TRAM2: variants seen among roughly 807,000 people sequenced by gnomAD.
TRAM2 encodes translocation associated membrane protein 2, also known as translocating chain-associated membrane protein 2.
A neutral mutation model predicts 51.0 loss-of-function variants in TRAM2; 12 were observed. That is an observed-to-expected ratio of 0.24 (90% CI 0.15 to 0.38). The LOEUF is 0.38. TRAM2 is among the 10% of genes least tolerant of loss of function. The pLI is 1.00. For missense variants in TRAM2, 361 were observed against 462.0 expected, an observed-to-expected ratio of 0.78 and a Z score of 2.00; for synonymous variants, 175 against 179.4, an observed-to-expected ratio of 0.98 and a Z score of 0.20.
intron 1 of TRAM2, among the ~76,000 whole-genome samples, chr6:52,539,139 C>T (rs1767031279): frequency 6.6e-6 from 1 of 152,190 alleles, no homozygotes; most frequent in South Asian, 2.1e-4. Context: ...GGATGCTAGA[C>T]AGCACTTCTG....
At chr6:52,521,741 T>C (rs375540980) in intron 2 of TRAM2, among the ~76,000 whole-genome samples, 11 of 104,760 alleles carry the variant, frequency 1.1e-4, no homozygotes, top group African/African-American at 3.4e-4. Context: ...CAAAACAAAA[T>C]AAAATAAAAT....
In TRAM2 at chr6:52,502,955, A is replaced by C; in HGVS notation, c.*242T>G. 1.7e-6 allele frequency: 1 copy of C among 580,766 alleles called. No individual in the cohort carries two copies. The highest frequency in any genetic ancestry group is 3.1e-6 in the Non-Finnish European group (1 of 326,144). 36.0% of individuals were successfully genotyped at this position (580,766 alleles called of 1,614,324 possible). A position where few individuals can be genotyped will look rare whatever the true frequency, so the allele number is the denominator to read the frequency against. On this transcript the variant is annotated 3_prime_UTR_variant, in exon 11 of 11. Coordinates refer to ENST00000182527, the MANE Select transcript of TRAM2 (RefSeq NM_012288.4). ...GCCAGCACAGGACAGGAGTGAGGACAGGAGGTGGCCTGAGGGGGAGAAAGA... is the reference window on the plus strand; with the variant it reads ...GCCAGCACAGGACAGGAGTGAGGACCGGAGGTGGCCTGAGGGGGAGAAAGA...
intron 1 of TRAM2, among the ~76,000 whole-genome samples, chr6:52,542,086 C>T (rs983025357): frequency 6.6e-6 from 1 of 151,996 alleles, no homozygotes; most frequent in Non-Finnish European, 1.5e-5. Flanking sequence ...AAATTAGGTA[C>T]CTAAAACTTC....
chr6:52,545,924 C>T (rs1364992788), intron 1 of TRAM2, among the ~76,000 whole-genome samples: 5 of 152,030 alleles, frequency 3.3e-5, no homozygotes, highest in African/African-American at 1.2e-4. Flanking sequence ...CACCACCATC[C>T]CAGGTAGGAA....
At chr6:52,507,744 T>G (rs1473940645) in intron 6 of TRAM2, 121 bp from the exon 7 acceptor site, 2 of 855,490 alleles carry the variant, frequency 2.3e-6, no homozygotes, top group Non-Finnish European at 3.7e-6. Context: ...TAACACACAG[T>G]CCCATGTCCC....
intron 10 of TRAM2, 82 bp downstream of exon 10, chr6:52,504,506 CAAG>C: frequency 1.3e-6 from 2 of 1,583,730 alleles, no homozygotes; most frequent in Non-Finnish European, 1.7e-6. Flanking sequence ...GGGCAGCGCC[CAAG>C]AAGCCAGGTG....
chr6:52,525,694 G>T (rs936719983), intron 2 of TRAM2, among the ~76,000 whole-genome samples: 1 of 152,196 alleles, frequency 6.6e-6, no homozygotes, highest in Non-Finnish European at 1.5e-5. Flanking sequence ...TGTAATCCCA[G>T]CTACTCAGGA....
intron 1 of TRAM2, among the ~76,000 whole-genome samples, chr6:52,570,792 A>ACCCCC (rs1487796614): frequency 3.0e-5 from 1 of 32,902 alleles, no homozygotes; most frequent in African/African-American, 1.3e-4. Flanking sequence ...CTCCCTGCCC[A>ACCCCC]CCACCCCCCC....
rs1554267138 is a variant in TRAM2 at position 52,570,805 on chromosome 6, C to CCCA, written c.120+5990_120+5991insTGG. On this transcript the variant is annotated intron_variant, in intron 1 of 10. Coordinates refer to ENST00000182527, the MANE Select transcript of TRAM2 (RefSeq NM_012288.4). ...TCCTCCCTGCCCACCACCCCCCCCC[C>CCCA]CACACGCACACACACTCTGCCTCCA... Among the ~76,000 whole-genome samples the CCCA allele has an allele frequency of 1.5e-4, 22 of 142,130 alleles. 1 individual carries two copies. Among genetic ancestry groups the CCCA allele is most frequent in the African/African-American group, 5.8e-4 (22 of 37,914 alleles). 93.2% of individuals were successfully genotyped at this position (142,130 alleles called of 152,430 possible).
chr6:52,520,985 C>T (rs982963900), intron 2 of TRAM2, among the ~76,000 whole-genome samples: 6 of 152,136 alleles, frequency 3.9e-5, no homozygotes, highest in African/African-American at 1.2e-4. Context: ...CTTGGCTCAC[C>T]ACAACCTCCC....
intron 8 of TRAM2, 118 bp from the exon 9 acceptor site, chr6:52,505,860 C>CT (rs1766338448): frequency 6.9e-7 from 1 of 1,447,984 alleles, no homozygotes; most frequent in Admixed American, 2.3e-5. Context: ...GGGGAAAGTG[C>CT]TTGAGGGACG....
intron 2 of TRAM2, among the ~76,000 whole-genome samples, chr6:52,535,104 C>G (rs1766955871): frequency 6.6e-6 from 1 of 152,208 alleles, no homozygotes; most frequent in African/African-American, 2.4e-5. Context: ...CATGCACTAT[C>G]AAAACGCAAC....
At chr6:52,558,215 G>A (rs2114101942) in intron 1 of TRAM2, among the ~76,000 whole-genome samples, 1 of 152,192 alleles carries the variant, frequency 6.6e-6, no homozygotes, top group South Asian at 2.1e-4. Context: ...GGGATTGACA[G>A]GGTGAGAAAC....
chr6:52,547,997 T>C (rs1767241105), intron 1 of TRAM2, among the ~76,000 whole-genome samples: 1 of 152,254 alleles, frequency 6.6e-6, no homozygotes, highest in Non-Finnish European at 1.5e-5. Flanking sequence ...TATGGTGTGT[T>C]TGTGTGCTTA....
intron 2 of TRAM2, among the ~76,000 whole-genome samples, chr6:52,535,464 C>T (rs891646038): frequency 6.6e-6 from 1 of 152,186 alleles, no homozygotes; most frequent in South Asian, 2.1e-4. Context: ...AGGTAGATCA[C>T]GAGGTCACGA....
intron 2 of TRAM2, among the ~76,000 whole-genome samples, chr6:52,519,975 G>A (rs1766637701): frequency 6.6e-6 from 1 of 152,282 alleles, no homozygotes; most frequent in African/African-American, 2.4e-5. Flanking sequence ...GCAAAATGGT[G>A]GTTACCAAGG....
chr6:52,523,725 T>C (rs1046445249), intron 2 of TRAM2: 1 of 152,266 alleles, frequency 6.6e-6, no homozygotes, highest in African/African-American at 2.4e-5. Flanking sequence ...CTGCAGCTGG[T>C]ACCTGCTACA....
chr6:52,539,419 CA>C (rs1356975908), intron 1 of TRAM2, among the ~76,000 whole-genome samples: 1 of 151,798 alleles, frequency 6.6e-6, no homozygotes, highest in Non-Finnish European at 1.5e-5. Context: ...AGCGAATTTG[CA>C]AAAACAAAAT....
intron 1 of TRAM2, among the ~76,000 whole-genome samples, chr6:52,575,311 G>A (rs79235160): frequency 0.029 from 4,338 of 152,184 alleles, 231 homozygotes; most frequent in African/African-American, 0.099. Context: ...TGAGACACAC[G>A]GATATGACTC....
Sources: gnomAD v4.1 joint callset for allele counts (sites outside exome capture counted in the v4.1 genomes callset) on GRCh38, gnomAD v4.1.1 for gene constraint, MANE v1.5 for transcripts, NCBI Gene and HGNC (gene_info 2026-07-23, HGNC 2026-07-21) for gene names.